Variants in ZCCHC7 observed in about 807,000 individuals in gnomAD.
ZCCHC7 encodes the protein zinc finger CCHC domain-containing protein 7.
Under a neutral mutation model 52.0 loss-of-function variants are expected in ZCCHC7, and 35 were observed. The observed-to-expected ratio is 0.67, with a 90% CI of 0.51 to 0.89. The LOEUF is 0.89. Ranked by LOEUF, ZCCHC7 falls within the 40% of genes least tolerant of loss-of-function variation. The pLI is 0.00. For missense variants in ZCCHC7, 574 were observed against 649.1 expected, an observed-to-expected ratio of 0.88 and a Z score of 1.26; for synonymous variants, 217 against 221.5, an observed-to-expected ratio of 0.98 and a Z score of 0.18.
At chr9:37,186,794 A>C (rs1340538409) in intron 2 of ZCCHC7, 2 of 456,672 alleles carry the variant, frequency 4.4e-6, no homozygotes, top group African/African-American at 4.0e-5. Flanking sequence ...TAATTAATAC[A>C]TGGGGGATGA....
intron 2 of ZCCHC7, among the ~76,000 whole-genome samples, chr9:37,155,286 G>A (rs886741737): frequency 1.1e-4 from 16 of 152,004 alleles, no homozygotes; most frequent in African/African-American, 2.9e-4. Flanking sequence ...GTGTGAACCC[G>A]GGAGGCAGAG....
intron 2 of ZCCHC7, among the ~76,000 whole-genome samples, chr9:37,249,456 C>CTTTTTTTTTTTTTTTTTTTTT (rs60166399): frequency 1.0e-3 from 114 of 111,230 alleles, no homozygotes; most frequent in African/African-American, 1.3e-3. Flanking sequence ...CTTCTTCTTC[C>CTTTTTTTTTTTTTTTTTTTTT]TTTTTTTTTT....
At chr9:37,347,082 G>A (rs144355556) in intron 6 of ZCCHC7, among the ~76,000 whole-genome samples, 10 of 152,266 alleles carry the variant, frequency 6.6e-5, no homozygotes, top group South Asian at 2.1e-4. Context: ...CGTTTAAGCC[G>A]ATCCTTAACT....
At chr9:37,189,082 T>C (rs1822881311) in intron 2 of ZCCHC7, among the ~76,000 whole-genome samples, 2 of 147,446 alleles carry the variant, frequency 1.4e-5, no homozygotes, top group Non-Finnish European at 3.0e-5. Flanking sequence ...TTGGTTATTA[T>C]ATTTTTCAGT....
intron 2 of ZCCHC7, among the ~76,000 whole-genome samples, chr9:37,163,385 CAAAAAA>C (rs1022187626): frequency 2.6e-5 from 2 of 77,172 alleles, no homozygotes; most frequent in East Asian, 4.8e-4. Flanking sequence ...GACTCCATCT[CAAAAAA>C]AAAAAAAAAA....
chr9:37,321,018 T>C (rs1341782060), intron 5 of ZCCHC7, among the ~76,000 whole-genome samples: 1 of 140,886 alleles, frequency 7.1e-6, no homozygotes, highest in Non-Finnish European at 1.5e-5. Context: ...AGATGGAATC[T>C]CACTCTGTTG....
chr9:37,271,345 TGG>T (rs1168181149), intron 2 of ZCCHC7, among the ~76,000 whole-genome samples: 1 of 152,084 alleles, frequency 6.6e-6, no homozygotes, highest in Non-Finnish European at 1.5e-5. Flanking sequence ...AATAATTGCA[TGG>T]AAAAGAGGGA....
intron 2 of ZCCHC7, among the ~76,000 whole-genome samples, chr9:37,267,860 C>T (rs371192230): frequency 1.7e-4 from 26 of 152,012 alleles, no homozygotes; most frequent in Non-Finnish European, 3.2e-4. Context: ...TGAGCCACCG[C>T]GCCCGGCCTA....
chr9:37,279,551 A>G (rs1385605908), intron 2 of ZCCHC7, among the ~76,000 whole-genome samples: 2 of 152,112 alleles, frequency 1.3e-5, no homozygotes, highest in Non-Finnish European at 1.5e-5. Context: ...AAAGATCTAA[A>G]TGTGGACATA....
Position 37,336,813 on chromosome 9 carries a change from C to G in ZCCHC7, c.987+8979C>G, listed in dbSNP as rs548973791. On this transcript the variant is annotated intron_variant, in intron 6 of 8. Transcript: ENST00000336755. ...ATGTGTTCTTTTCTGTCCCTTCCCCCTACATCCTGTCTCCATGCCTTCATC... is the reference window on the plus strand; with the variant it reads ...ATGTGTTCTTTTCTGTCCCTTCCCCGTACATCCTGTCTCCATGCCTTCATC... 3.9e-5 allele frequency among the ~76,000 whole-genome samples: 6 copies of G among 152,220 alleles called. No homozygotes were observed. The South Asian group carries it at 1.2e-3, about 32-fold the overall frequency.
chr9:37,229,009 G>A (rs1825265985), intron 2 of ZCCHC7, among the ~76,000 whole-genome samples: 1 of 151,672 alleles, frequency 6.6e-6, no homozygotes, highest in African/African-American at 2.4e-5. Flanking sequence ...CTAATTTTTT[G>A]TATTTTAGTA....
At chr9:37,122,043 A>T (rs1299020494) in intron 1 of ZCCHC7, among the ~76,000 whole-genome samples, 1 of 152,212 alleles carries the variant, frequency 6.6e-6, no homozygotes, top group Non-Finnish European at 1.5e-5. Context: ...TCCAATGAAA[A>T]TTGGACTGAA....
intron 2 of ZCCHC7, among the ~76,000 whole-genome samples, chr9:37,148,628 A>G (rs1010157939): frequency 6.6e-6 from 1 of 151,938 alleles, no homozygotes; most frequent in African/African-American, 2.4e-5. Context: ...TCATAGATGA[A>G]AGACATTTGT....
intron 2 of ZCCHC7, among the ~76,000 whole-genome samples, chr9:37,161,054 G>C (rs1450672914): frequency 2.6e-5 from 4 of 151,208 alleles, no homozygotes; most frequent in African/African-American, 9.7e-5. Context: ...GGTTCAAGCA[G>C]TTCTCTTATC....
intron 7 of ZCCHC7, among the ~76,000 whole-genome samples, chr9:37,350,478 G>A (rs991711085): frequency 5.9e-5 from 9 of 152,160 alleles, no homozygotes; most frequent in Admixed American, 2.6e-4. Flanking sequence ...CTGGTACAAT[G>A]TTCAGTTAAG....
chr9:37,341,451 C>T (rs1409378217), intron 6 of ZCCHC7, among the ~76,000 whole-genome samples: 1 of 152,024 alleles, frequency 6.6e-6, no homozygotes, highest in African/African-American at 2.4e-5. Context: ...TATGCCTGGC[C>T]CTATTCCAGG....
chr9:37,159,947 A>C lies in ZCCHC7; in HGVS notation c.610+33005A>C, dbSNP rs139690055. 7.4e-3 allele frequency among the ~76,000 whole-genome samples: 1,122 copies of C among 152,364 alleles called. 15 individuals are homozygous for C. Among genetic ancestry groups the C allele is most frequent in the African/African-American group, 0.025 (1,045 of 41,592 alleles). ...AACTTGAAACTTAACACAATAAATT[A>C]AACCATCTTTGTAAACAGTAGAATT... On this transcript the variant is annotated intron_variant, in intron 2 of 8. Transcript: ENST00000336755.
intron 2 of ZCCHC7, among the ~76,000 whole-genome samples, chr9:37,291,029 T>G (rs144074821): frequency 1.1e-4 from 16 of 152,374 alleles, no homozygotes; most frequent in African/African-American, 3.8e-4. Context: ...TTGTGCTGCC[T>G]AAAGTATTGC....
At chr9:37,307,312 A>G (rs1829374538) in intron 5 of ZCCHC7, among the ~76,000 whole-genome samples, 1 of 152,058 alleles carries the variant, frequency 6.6e-6, no homozygotes, top group Non-Finnish European at 1.5e-5. Flanking sequence ...CATTCAGTTT[A>G]CCCTAATTCC....
Sources: gnomAD v4.1 joint callset for allele counts (sites outside exome capture counted in the v4.1 genomes callset) on GRCh38, gnomAD v4.1.1 for gene constraint, MANE v1.5 for transcripts, NCBI Gene and HGNC (gene_info 2026-07-23, HGNC 2026-07-21) for gene names.